MYO10: variants seen among roughly 807,000 people sequenced by gnomAD.
MYO10 encodes myosin X.
In MYO10, 133 loss-of-function variants were observed where a neutral mutation model predicts 257.3. The ratio of observed to expected loss-of-function variants is 0.52; its 90% CI spans 0.45 to 0.60. The LOEUF (loss-of-function observed/expected upper bound fraction) is 0.60, where lower values mean the gene tolerates loss of function less well. Among genes scored for constraint, MYO10 ranks in the 20% least tolerant of loss-of-function variants. MYO10 has a pLI of 0.00. For synonymous variants in MYO10, 1,104 were observed against 1,028.6 expected, an observed-to-expected ratio of 1.07 and a Z score of -1.40; for missense variants, 2,399 against 2,635.7, an observed-to-expected ratio of 0.91 and a Z score of 1.97.
chr5:16,819,627 C>T (rs552519694), intron 2 of MYO10, among the ~76,000 whole-genome samples: 15 of 152,062 alleles, frequency 9.9e-5, no homozygotes, highest in Non-Finnish European at 1.9e-4. Flanking sequence ...CTGGCATGTG[C>T]ATGTGTGCAC....
intron 1 of MYO10, among the ~76,000 whole-genome samples, chr5:16,896,445 A>G (rs1745220884): frequency 6.6e-6 from 1 of 151,972 alleles, no homozygotes; most frequent in Non-Finnish European, 1.5e-5. Context: ...AAAATACAAA[A>G]ATTAGCTGGG....
intron 3 of MYO10, among the ~76,000 whole-genome samples, chr5:16,796,788 A>C (rs1327704079): frequency 6.6e-6 from 1 of 152,152 alleles, no homozygotes; most frequent in Non-Finnish European, 1.5e-5. Context: ...CCAAATTCAC[A>C]TGCTGAAGCC....
At chr5:16,719,989 CGTGTGT>C (rs10526050) in intron 19 of MYO10, among the ~76,000 whole-genome samples, 103 of 143,560 alleles carry the variant, frequency 7.2e-4, no homozygotes, top group East Asian at 2.1e-3. Flanking sequence ...TGTGTGCGTG[CGTGTGT>C]GTGTGTGTGT....
rs534874678 is a variant in MYO10, at chr5:16,697,537, T to C, written c.3556+1913A>G. 5.9e-5 allele frequency among the ~76,000 whole-genome samples: 9 copies of C among 151,994 alleles called. No homozygotes were observed. In the South Asian group the frequency reaches 1.2e-3, roughly 21 times the overall value. The stretch of plus-strand genomic sequence containing the variant: ...CGACATGGTGAAACCCTGTCTCTAC[T>C]AAAAATACAAAAATTAGCTGGGCAT... On this transcript the variant is annotated intron_variant, in intron 26 of 40. Transcript: ENST00000513610.
At chr5:16,935,687 C>G (rs1037750637) in intron 1 of MYO10, 101 bp downstream of exon 1, 2 of 1,452,210 alleles carry the variant, frequency 1.4e-6, no homozygotes, top group African/African-American at 2.8e-5. Flanking sequence ...AAAGTTGCGC[C>G]TTCCAGGGCT....
At chr5:16,860,951 G>A (rs929835726) in intron 2 of MYO10, among the ~76,000 whole-genome samples, 1 of 152,082 alleles carries the variant, frequency 6.6e-6, no homozygotes, top group Non-Finnish European at 1.5e-5. Context: ...ATTTTTTAAG[G>A]CAATTATTTT....
intron 19 of MYO10, among the ~76,000 whole-genome samples, chr5:16,727,873 C>G (rs200095740): frequency 8.1e-6 from 1 of 123,562 alleles, no homozygotes; most frequent in African/African-American, 3.6e-5. Flanking sequence ...TTCCCCCCAG[C>G]CCAAAAAAAA....
intron 2 of MYO10, among the ~76,000 whole-genome samples, chr5:16,848,210 G>A (rs1743698729): frequency 7.4e-6 from 1 of 135,016 alleles, no homozygotes; most frequent in Non-Finnish European, 1.5e-5. Context: ...CCATGCTAGA[G>A]TGCAGTGGCA....
chr5:16,837,336 A>C (rs1389011485), intron 2 of MYO10, among the ~76,000 whole-genome samples: 1 of 152,130 alleles, frequency 6.6e-6, no homozygotes, highest in East Asian at 1.9e-4. Context: ...ATACTGACGA[A>C]CCTTGTAAAT....
At chr5:16,810,609 C>T (rs1217933330) in intron 3 of MYO10, among the ~76,000 whole-genome samples, 1 of 152,054 alleles carries the variant, frequency 6.6e-6, no homozygotes, top group Non-Finnish European at 1.5e-5. Context: ...TCCTGGACAA[C>T]ATAGCAAGAT....
rs1739965834 is a variant in MYO10, at chr5:16,740,166, G to A, written c.1929+14662C>T. On this transcript the variant is annotated intron_variant, in intron 19 of 40. Coordinates refer to ENST00000513610, the MANE Select transcript of MYO10 (RefSeq NM_012334.3). ...CCTCTGGTCTCCAGTCTCAAACCTG[G>A]CCCTTTGCTCCAGAGTCTTCTGAGG... Among the ~76,000 whole-genome samples the A allele has an allele frequency of 2.6e-5, 4 of 152,064 alleles. No individual in the cohort carries two copies. The South Asian group carries it at 8.3e-4, about 32-fold the overall frequency.
chr5:16,718,880 G>A (rs1038521309), intron 19 of MYO10, among the ~76,000 whole-genome samples: 4 of 151,684 alleles, frequency 2.6e-5, no homozygotes, highest in African/African-American at 4.8e-5. Flanking sequence ...TGATGGGGAC[G>A]TGGAGAACCT....
chr5:16,770,664 T>C (rs573267482), intron 9 of MYO10, among the ~76,000 whole-genome samples: 22 of 152,278 alleles, frequency 1.4e-4, no homozygotes, highest in South Asian at 4.1e-4. Flanking sequence ...ACAAGGACCA[T>C]AGGAGAGTGG....
At chr5:16,924,993 A>G (rs1342665704) in intron 1 of MYO10, among the ~76,000 whole-genome samples, 3 of 151,848 alleles carry the variant, frequency 2.0e-5, no homozygotes, top group Admixed American at 2.0e-4. Context: ...ACCACACCTG[A>G]CTAATTTTTT....
At chr5:16,934,167 C>G (rs1319716194) in intron 1 of MYO10, among the ~76,000 whole-genome samples, 4 of 152,240 alleles carry the variant, frequency 2.6e-5, no homozygotes, top group African/African-American at 9.6e-5. Flanking sequence ...AAGTCAAAGT[C>G]TCACCGGGTA....
In MYO10 at chr5:16,908,084, T is replaced by G. The variant is rs149523171; in HGVS notation, c.21+27704A>C. On this transcript the variant is annotated intron_variant, in intron 1 of 40. Coordinates refer to ENST00000513610, the MANE Select transcript of MYO10 (RefSeq NM_012334.3). ...CCTGTCTCTACTAAAAATACAAACA[T>G]CAGCTGGGTGTGGTGGCATATGCCT... Among the ~76,000 whole-genome samples, 158 of 151,990 alleles carry G rather than the reference T, an allele frequency of 1.0e-3. No individual in the cohort carries two copies. The East Asian group carries it at 0.026, about 25-fold the overall frequency.
intron 19 of MYO10, among the ~76,000 whole-genome samples, chr5:16,731,454 C>T (rs1219650258): frequency 1.3e-5 from 2 of 152,122 alleles, no homozygotes; most frequent in East Asian, 2.0e-4. Context: ...AGCGATTCTC[C>T]TGCCTCAGCC....
chr5:16,664,518 G>A lies in MYO10; in HGVS notation c.*2174C>T, dbSNP rs766084238. The A allele has an allele frequency of 1.3e-5, 2 of 152,226 alleles. No individual in the cohort carries two copies. The highest frequency in any genetic ancestry group is 2.4e-5 in the African/African-American group (1 of 41,458). The allele number at this position is 152,226 out of a possible 1,614,324, so 9.4% of individuals were successfully genotyped here. ...GGCTTCAGGTTCCATCCCAATCCCT[G>A]CAGAATGGGAAGAAGCCATCCGTGA... On this transcript the variant is annotated 3_prime_UTR_variant, in exon 41 of 41. Transcript: ENST00000513610.
intron 1 of MYO10, among the ~76,000 whole-genome samples, chr5:16,925,444 G>A (rs142296050): frequency 2.6e-5 from 4 of 152,210 alleles, no homozygotes; most frequent in African/African-American, 9.6e-5. Context: ...GGGTTGCCCA[G>A]GCAACAGAGT....
Sources: gnomAD v4.1 joint callset for allele counts (sites outside exome capture counted in the v4.1 genomes callset) on GRCh38, gnomAD v4.1.1 for gene constraint, MANE v1.5 for transcripts, NCBI Gene and HGNC (gene_info 2026-07-23, HGNC 2026-07-21) for gene names.